Variants in GAS7 observed in about 807,000 individuals in gnomAD.
The protein encoded by GAS7 is growth arrest-specific protein 7.
A neutral mutation model predicts 71.1 loss-of-function variants in GAS7; 28 were observed. The observed-to-expected ratio is 0.39, with a 90% CI of 0.29 to 0.54. The LOEUF is 0.54. Among genes scored for constraint, GAS7 ranks in the 20% least tolerant of loss-of-function variants. GAS7 has a pLI of 0.62. For missense variants in GAS7, 436 were observed against 627.8 expected (o/e 0.69, Z 3.27); for synonymous variants, 258 against 245.8 (o/e 1.05, Z -0.46).
At chr17:10,099,840 G>A (rs925649403) in intron 1 of GAS7, among the ~76,000 whole-genome samples, 6 of 152,110 alleles carry the variant, frequency 3.9e-5, no homozygotes, top group South Asian at 2.1e-4. Flanking sequence ...AGTGTAATTC[G>A]TTACCTTTCT....
chr17:10,106,292 G>T (rs1481836557), intron 1 of GAS7, among the ~76,000 whole-genome samples: 1 of 152,110 alleles, frequency 6.6e-6, no homozygotes, highest in African/African-American at 2.4e-5. Context: ...TCGGGTGGCG[G>T]CTCCTCCGCA....
intron 1 of GAS7, among the ~76,000 whole-genome samples, chr17:10,160,939 T>TACAC (rs61578754): frequency 0.088 from 12,264 of 139,530 alleles, 614 homozygotes; most frequent in Middle Eastern, 0.14. Context: ...ATTGAAACCA[T>TACAC]ACACACACAC....
chr17:10,023,295 C>T (rs2152211012), intron 1 of GAS7, among the ~76,000 whole-genome samples: 1 of 152,286 alleles, frequency 6.6e-6, no homozygotes, highest in Admixed American at 6.5e-5. Context: ...AGGAGTTCCT[C>T]CTGATGGCTG....
intron 4 of GAS7, among the ~76,000 whole-genome samples, chr17:9,964,446 C>T (rs1476524301): frequency 6.6e-6 from 1 of 152,190 alleles, no homozygotes. Context: ...ACCCCAGCCT[C>T]ATTTCCCACC....
intron 8 of GAS7, among the ~76,000 whole-genome samples, chr17:9,935,966 G>A (rs2068385375): frequency 6.6e-6 from 1 of 152,242 alleles, no homozygotes; most frequent in South Asian, 2.1e-4. Flanking sequence ...CAGTTACACA[G>A]ATCAGCGGAA....
rs181215675 is a variant in GAS7, at chr17:10,087,958, G to T, written c.184-68061C>A. Among the ~76,000 whole-genome samples, 39 of 152,224 alleles carry T rather than the reference G, an allele frequency of 2.6e-4. No individual in the cohort carries two copies. In the East Asian group the frequency reaches 6.6e-3, roughly 26 times the overall value. ...CACTTCACCTCAAATGTGCACTAGG[G>T]TGCTACACAATTTCAGTAAATAAAA... On this transcript the variant is annotated intron_variant, in intron 1 of 13. Coordinates refer to ENST00000432992, the MANE Select transcript of GAS7 (RefSeq NM_201433.2).
At chr17:9,917,455 G>A (rs1391870231) in intron 13 of GAS7, 114 bp from the exon 14 acceptor site, 2 of 753,016 alleles carry the variant, frequency 2.7e-6, no homozygotes, top group East Asian at 2.7e-5. Context: ...CTCTCTAGAG[G>A]GCTCCGGGGC....
intron 5 of GAS7, among the ~76,000 whole-genome samples, chr17:9,956,227 G>A (rs8069273): frequency 0.053 from 8,003 of 152,230 alleles, 670 homozygotes; most frequent in African/African-American, 0.18. Context: ...TGACAACTGA[G>A]GGTTCAAGTC....
chr17:9,954,365 A>T (rs1053061703), intron 5 of GAS7, among the ~76,000 whole-genome samples: 2 of 152,082 alleles, frequency 1.3e-5, no homozygotes, highest in Non-Finnish European at 2.9e-5. Flanking sequence ...GGAGAGTAAC[A>T]ATTAATCAGG....
In GAS7 at chr17:9,914,995, A is replaced by C. The variant is rs1597430599; in HGVS notation, c.*2233T>G. 4.3e-6 allele frequency: 1 copy of C among 232,396 alleles called. No individual in the cohort carries two copies. The highest frequency in any genetic ancestry group is 6.1e-5 in the East Asian group (1 of 16,460). 14.4% of individuals were successfully genotyped at this position (232,396 alleles called of 1,614,324 possible). On this transcript the variant is annotated 3_prime_UTR_variant, in exon 14 of 14. Coordinates refer to ENST00000432992, the MANE Select transcript of GAS7 (RefSeq NM_201433.2). ...ACGACAGGGCCATTATAGTGTCCTCAGATTAGATCTTAGCACAATGGCTTT... is the reference window on the plus strand; with the variant it reads ...ACGACAGGGCCATTATAGTGTCCTCCGATTAGATCTTAGCACAATGGCTTT...
intron 8 of GAS7, among the ~76,000 whole-genome samples, chr17:9,936,566 C>A (rs2068409188): frequency 6.6e-6 from 1 of 152,124 alleles, no homozygotes; most frequent in African/African-American, 2.4e-5. Flanking sequence ...TCAGAGGGGC[C>A]CCTCTGAGCC....
intron 1 of GAS7, among the ~76,000 whole-genome samples, chr17:10,027,694 G>A (rs1038792267): frequency 2.0e-5 from 3 of 152,132 alleles, no homozygotes; most frequent in Admixed American, 6.5e-5. Flanking sequence ...AGAACCTGCC[G>A]ACACCTTGAT....
At chr17:10,193,555 T>C (rs1483123107) in intron 1 of GAS7, among the ~76,000 whole-genome samples, 1 of 152,180 alleles carries the variant, frequency 6.6e-6, no homozygotes, top group Non-Finnish European at 1.5e-5. Context: ...GCAGAAACGA[T>C]ATGCCAGTTC....
At chr17:10,118,605 G>A (rs975960403) in intron 1 of GAS7, among the ~76,000 whole-genome samples, 1 of 150,970 alleles carries the variant, frequency 6.6e-6, no homozygotes, top group Admixed American at 6.6e-5. Flanking sequence ...CCTGGGGGCT[G>A]AGGCAGGAGA....
chr17:9,936,933 T>C (rs2068422234), intron 8 of GAS7, among the ~76,000 whole-genome samples: 1 of 152,220 alleles, frequency 6.6e-6, no homozygotes, highest in East Asian at 1.9e-4. Flanking sequence ...AGAAGTTGAA[T>C]TGCAAAAGCC....
intron 1 of GAS7, among the ~76,000 whole-genome samples, chr17:10,100,721 G>A (rs538501477): frequency 7.2e-5 from 11 of 152,216 alleles, no homozygotes; most frequent in African/African-American, 2.2e-4. Context: ...TTGGAATTAC[G>A]AAGTTTTTAG....
chr17:10,176,699 G>A (rs1233961505), intron 1 of GAS7, among the ~76,000 whole-genome samples: 2 of 152,132 alleles, frequency 1.3e-5, no homozygotes, highest in African/African-American at 2.4e-5. Flanking sequence ...GAGGAGAGAG[G>A]ACCACTCCAA....
chr17:10,040,987 C>T (rs1031643901), intron 1 of GAS7, among the ~76,000 whole-genome samples: 1 of 152,006 alleles, frequency 6.6e-6, no homozygotes, highest in African/African-American at 2.4e-5. Context: ...CATGGCAAAA[C>T]CCCACCTCTA....
At chr17:10,162,274 T>C (rs1471201170) in intron 1 of GAS7, among the ~76,000 whole-genome samples, 1 of 152,130 alleles carries the variant, frequency 6.6e-6, no homozygotes, top group Non-Finnish European at 1.5e-5. Flanking sequence ...ACACAGTCTG[T>C]GCTGAGAAGC....
Sources: gnomAD v4.1 joint callset for allele counts (sites outside exome capture counted in the v4.1 genomes callset) on GRCh38, gnomAD v4.1.1 for gene constraint, MANE v1.5 for transcripts, NCBI Gene and HGNC (gene_info 2026-07-23, HGNC 2026-07-21) for gene names.